The following TTC23 variants were observed in gnomAD, a reference collection of about 807,000 sequenced individuals.
TTC23 encodes the protein tetratricopeptide repeat protein 23.
In TTC23, 58 loss-of-function variants were observed where a neutral mutation model predicts 55.1. That is an observed-to-expected ratio of 1.05 (90% CI 0.85 to 1.31). The LOEUF is 1.31. Among genes scored for constraint, TTC23 ranks in the 50% most tolerant of loss-of-function variants. The probability of loss-of-function intolerance (pLI) is 0.00; values close to 1 mark genes in which losing one functional copy is unlikely to be tolerated. For missense variants in TTC23, 516 were observed against 534.4 expected, an observed-to-expected ratio of 0.97 and a Z score of 0.34; for synonymous variants, 203 against 199.9, an observed-to-expected ratio of 1.02 and a Z score of -0.13.
intron 3 of TTC23, among the ~76,000 whole-genome samples, chr15:99,240,645 C>A (rs2152093513): frequency 6.6e-6 from 1 of 152,312 alleles, no homozygotes; most frequent in Admixed American, 6.5e-5. Context: ...CAAAGTCGTT[C>A]CCATTTGTCA....
At chr15:99,172,404 C>T (rs1189954873) in intron 10 of TTC23, among the ~76,000 whole-genome samples, 1 of 152,190 alleles carries the variant, frequency 6.6e-6, no homozygotes, top group Non-Finnish European at 1.5e-5. Flanking sequence ...CCCAGGCCTT[C>T]CCATTGGCAC....
At chr15:99,215,443 G>C (rs1342621546) in intron 8 of TTC23, among the ~76,000 whole-genome samples, 1 of 152,050 alleles carries the variant, frequency 6.6e-6, no homozygotes, top group African/African-American at 2.4e-5. Flanking sequence ...GTAACTACTA[G>C]AATAAAAAGA....
Position 99,228,645 on chromosome 15 carries a change from G to C in TTC23, c.68C>G (p.Thr23Ser). 8.1e-6 allele frequency: 13 copies of C among 1,613,838 alleles called. No homozygotes were observed. Among genetic ancestry groups the C allele is most frequent in the Non-Finnish European group, 1.1e-5 (13 of 1,179,808 alleles). ...CTTGTTTTGGAACTTCTTTCTATGA[G>C]TGATGCTAACAGCAGCAACAACTTC... is the stretch of plus-strand genomic sequence containing the variant. Reference protein sequence around the residue: ...LDEVVAAVSITHRKKFQNKLL... With the variant: ...LDEVVAAVSISHRKKFQNKLL... The change falls in exon 5 of 14, where the codon ACT becomes AGT. Residue 23 changes from threonine to serine, a missense_variant. Transcript: ENST00000394132.
At chr15:99,167,196 A>C (rs760473700) in intron 10 of TTC23, among the ~76,000 whole-genome samples, 63 of 152,300 alleles carry the variant, frequency 4.1e-4, no homozygotes, top group Non-Finnish European at 5.4e-4. Context: ...GAAGGACAGG[A>C]AGTCATAGCC....
intron 8 of TTC23, among the ~76,000 whole-genome samples, chr15:99,204,805 T>C (rs1038865467): frequency 2.0e-5 from 3 of 151,748 alleles, no homozygotes; most frequent in Admixed American, 2.0e-4. Context: ...ACCTGGCTAA[T>C]TTTGTTTGTT....
In TTC23 at chr15:99,178,467, T is replaced by C. The variant is rs1369994062; in HGVS notation, c.760-3312A>G. ...TTCAGTAAAATTCAATTTAATTCCA[T>C]TTAATTTAATTCAGTCCTATTCAAC... is the stretch of plus-strand genomic sequence containing the variant. On this transcript the variant is annotated intron_variant, in intron 9 of 13. Transcript: ENST00000394132. Among the ~76,000 whole-genome samples, 7 of 152,346 alleles carry C rather than the reference T, an allele frequency of 4.6e-5. No homozygotes were observed. In the South Asian group the frequency reaches 1.5e-3, roughly 32 times the overall value.
At position 99,248,784 on chromosome 15, in the gene TTC23, T is replaced by C. The variant is rs1567581579; in HGVS notation, c.-431+387A>G. Among the ~76,000 whole-genome samples, 7 of 152,374 alleles carry C rather than the reference T, an allele frequency of 4.6e-5. No individual in the cohort carries two copies. The South Asian group carries it at 1.2e-3, about 27-fold the overall frequency. ...GTCATGTTCATCAACGTTTCCTTGA[T>C]AAATTCTTTTGTATTTGTTTTAATT... On this transcript the variant is annotated intron_variant, in intron 1 of 13. Transcript: ENST00000394132.
At chr15:99,150,122 T>A (rs1330770243) in intron 12 of TTC23, among the ~76,000 whole-genome samples, 1 of 152,222 alleles carries the variant, frequency 6.6e-6, no homozygotes, top group Non-Finnish European at 1.5e-5. Flanking sequence ...GTGCTGATGG[T>A]TGGAAAAGCT....
rs534832792 is a variant in TTC23 at position 99,191,685 on chromosome 15, A to G, written c.759+8234T>C. ...AAACTCTTTCTTCTGTAAATTGCCC[A>G]GTCTCAGGTATGTCTTCATCAGCAG... is the stretch of plus-strand genomic sequence containing the variant. On this transcript the variant is annotated intron_variant, in intron 9 of 13. Coordinates refer to ENST00000394132, the MANE Select transcript of TTC23 (RefSeq NM_001288615.3). Among the ~76,000 whole-genome samples, 3 of 152,332 alleles carry G rather than the reference A, an allele frequency of 2.0e-5. No homozygotes were observed. In the East Asian group the frequency reaches 5.8e-4, roughly 29 times the overall value.
intron 5 of TTC23, 65 bp downstream of exon 5, chr15:99,228,468 T>C: frequency 7.2e-7 from 1 of 1,385,594 alleles, no homozygotes; most frequent in Non-Finnish European, 9.6e-7. Flanking sequence ...AACATTCTAC[T>C]TCTCTTGATT....
chr15:99,192,280 A>T (rs910497336), intron 9 of TTC23, among the ~76,000 whole-genome samples: 1 of 152,218 alleles, frequency 6.6e-6, no homozygotes, highest in Admixed American at 6.5e-5. Context: ...CATCACCAAG[A>T]CAATGGGGAA....
intron 8 of TTC23, among the ~76,000 whole-genome samples, chr15:99,216,868 A>G (rs952811473): frequency 2.0e-5 from 3 of 152,092 alleles, no homozygotes; most frequent in African/African-American, 7.2e-5. Flanking sequence ...GAAAAGCAAT[A>G]CCACCCTTGG....
At chr15:99,184,232 A>G (rs1418709082) in intron 9 of TTC23, among the ~76,000 whole-genome samples, 1 of 152,180 alleles carries the variant, frequency 6.6e-6, no homozygotes, top group African/African-American at 2.4e-5. Context: ...CCCTACACAG[A>G]GTCTCCACTG....
intron 8 of TTC23, among the ~76,000 whole-genome samples, chr15:99,213,000 AAAAAAAGG>A: frequency 7.6e-6 from 1 of 132,032 alleles, no homozygotes; most frequent in Non-Finnish European, 1.6e-5. Flanking sequence ...AAAAAAAAAA[AAAAAAAGG>A]GGGGGACATA....
intron 12 of TTC23, among the ~76,000 whole-genome samples, chr15:99,147,299 C>A (rs1703759): frequency 0.022 from 3,178 of 146,788 alleles, 104 homozygotes; most frequent in African/African-American, 0.077. Flanking sequence ...GATCTCAGCT[C>A]ACTGCAAGCT....
chr15:99,201,879 G>A (rs1355205505), intron 8 of TTC23, among the ~76,000 whole-genome samples: 2 of 152,144 alleles, frequency 1.3e-5, no homozygotes, highest in Admixed American at 1.3e-4. Context: ...TTTGGTGATA[G>A]AAAGTCTCAG....
chr15:99,166,287 C>T (rs2072075265), intron 10 of TTC23, among the ~76,000 whole-genome samples: 1 of 152,164 alleles, frequency 6.6e-6, no homozygotes, highest in Non-Finnish European at 1.5e-5. Flanking sequence ...GATTCCTTCC[C>T]CTAACTGCCC....
intron 8 of TTC23, among the ~76,000 whole-genome samples, chr15:99,214,947 T>C (rs8039833): frequency 0.73 from 107,175 of 147,814 alleles, 39,562 homozygotes; most frequent in African/African-American, 0.87. Flanking sequence ...CCTCTGCCTC[T>C]CGGGTTCAAG....
At chr15:99,232,938 T>C (rs944565184) in intron 4 of TTC23, among the ~76,000 whole-genome samples, 4 of 152,190 alleles carry the variant, frequency 2.6e-5, no homozygotes, top group Non-Finnish European at 5.9e-5. Context: ...GTATACACAA[T>C]GGAATACTAC....
Sources: gnomAD v4.1 joint callset for allele counts (sites outside exome capture counted in the v4.1 genomes callset) on GRCh38, gnomAD v4.1.1 for gene constraint, MANE v1.5 for transcripts, NCBI Gene and HGNC (gene_info 2026-07-23, HGNC 2026-07-21) for gene names.